UPP2: variants seen among roughly 807,000 people sequenced by gnomAD.
UPP2 encodes uridine phosphorylase 2.
A neutral mutation model predicts 26.7 loss-of-function variants in UPP2; 23 were observed. The ratio of observed to expected loss-of-function variants is 0.86; its 90% CI spans 0.62 to 1.22. The LOEUF (loss-of-function observed/expected upper bound fraction) is 1.22, where lower values mean the gene tolerates loss of function less well. Among genes scored for constraint, UPP2 ranks in the 50% most tolerant of loss-of-function variants. The probability of loss-of-function intolerance (pLI) is 0.00; values close to 1 mark genes in which losing one functional copy is unlikely to be tolerated. For synonymous variants in UPP2, 127 were observed against 141.3 expected (o/e 0.90, Z 0.72); for missense variants, 387 against 396.7 (o/e 0.98, Z 0.21).
chr2:158,103,385 G>A (rs1485061195), intron 1 of UPP2, among the ~76,000 whole-genome samples: 1 of 152,144 alleles, frequency 6.6e-6, no homozygotes, highest in African/African-American at 2.4e-5. Context: ...TTGAAGATAG[G>A]AAGTGTGTGT....
At chr2:158,076,069 A>G (rs1682626316) in intron 3 of UPP2, among the ~76,000 whole-genome samples, 1 of 151,956 alleles carries the variant, frequency 6.6e-6, no homozygotes, top group African/African-American at 2.4e-5. Flanking sequence ...AAATTGGAAA[A>G]TCTGGAAGAA....
At chr2:158,063,036 A>G (rs1682377611) in intron 3 of UPP2, among the ~76,000 whole-genome samples, 1 of 152,196 alleles carries the variant, frequency 6.6e-6, no homozygotes, top group South Asian at 2.1e-4. Flanking sequence ...ACACAGTTTC[A>G]CAATCATCCC....
intron 3 of UPP2, among the ~76,000 whole-genome samples, chr2:158,053,553 C>A (rs1682192588): frequency 1.3e-5 from 2 of 152,106 alleles, no homozygotes; most frequent in South Asian, 4.1e-4. Flanking sequence ...GATTCAGGAC[C>A]ATTCTATAAC....
chr2:158,115,110 G>A lies in UPP2; in HGVS notation c.190G>A (p.Val64Ile), dbSNP rs1329886469. 1.3e-6 allele frequency: 2 copies of A among 1,595,390 alleles called. No homozygotes were observed. The highest frequency in any genetic ancestry group is 1.4e-5 in the African/African-American group (1 of 73,200). ...TTATTTTTATTAACAGTTTGTCTGT[G>A]TCGGTGGGAGCCCCAACAGAATGAA... ...AMFGDVKFVCVGGSPNRMKAF... is the reference protein window; with the variant it reads ...AMFGDVKFVCIGGSPNRMKAF... Residue 64 changes from valine (V) to isoleucine (I), a missense_variant, in exon 3 of 7, where the codon GTC (valine) becomes ATC (isoleucine). Physicochemically the swap from Val to Ile is conservative, Grantham distance 29. Transcript: ENST00000005756.
chr2:158,113,106 C>G (rs1032989554), intron 2 of UPP2, among the ~76,000 whole-genome samples: 1 of 152,162 alleles, frequency 6.6e-6, no homozygotes, highest in Non-Finnish European at 1.5e-5. Context: ...GCTTTAAGAA[C>G]CAAGCTGCTT....
chr2:158,067,293 TG>T (rs1232827854), intron 3 of UPP2, among the ~76,000 whole-genome samples: 1 of 151,768 alleles, frequency 6.6e-6, no homozygotes, highest in East Asian at 1.9e-4. Flanking sequence ...AGAAATAATT[TG>T]TCAGTGTTCA....
intron 2 of UPP2, among the ~76,000 whole-genome samples, chr2:157,997,549 C>A (rs953812260): frequency 6.6e-6 from 1 of 152,166 alleles, no homozygotes; most frequent in African/African-American, 2.4e-5. Flanking sequence ...CCTTCACTTC[C>A]ATGCCTTAAT....
Position 158,106,131 on chromosome 2 carries a change from T to C in UPP2, c.95T>C (p.Leu32Ser). Residue 32 changes from leucine (L) to serine (S), a missense_variant, in exon 2 of 7, where the codon TTG (leucine) becomes TCG (serine). Physicochemically the swap from Leu to Ser is moderately radical, Grantham distance 145 (BLOSUM62 -2). Coordinates refer to ENST00000005756, the MANE Select transcript of UPP2 (RefSeq NM_173355.4). ...TTTGTTCACGTTAAAAATCCTTACT[T>C]GGATTTGATGGATGAAGACATTCTC... Reference protein sequence around the residue: ...KRFVHVKNPYLDLMDEDILYH... With the variant: ...KRFVHVKNPYSDLMDEDILYH... 1.2e-6 allele frequency: 2 copies of C among 1,603,772 alleles called. No homozygotes were observed. Among genetic ancestry groups the C allele is most frequent in the Non-Finnish European group, 1.7e-6 (2 of 1,176,634 alleles).
rs541955839 is a variant in UPP2, at chr2:158,087,559, G to T, written c.148-14481G>T. 3.2e-4 allele frequency among the ~76,000 whole-genome samples: 48 copies of T among 151,804 alleles called. No homozygotes were observed. In the South Asian group the frequency reaches 9.3e-3, roughly 30 times the overall value. ...GTTGCCTGAATACCTTTTTTTGTTT[G>T]TTTTTCATTGTGCTTTTGTTATATA... On this transcript the variant is annotated intron_variant, in intron 3 of 9. Coordinates refer to the UPP2 transcript ENST00000605860.
intron 3 of UPP2, among the ~76,000 whole-genome samples, chr2:158,064,620 T>G (rs1037865746): frequency 6.6e-6 from 1 of 152,230 alleles, no homozygotes; most frequent in African/African-American, 2.4e-5. Flanking sequence ...TTTTGGCTTT[T>G]GTTGCCATTG....
At chr2:158,026,240 C>T (rs879399253) in intron 3 of UPP2, among the ~76,000 whole-genome samples, 2 of 152,064 alleles carry the variant, frequency 1.3e-5, no homozygotes, top group East Asian at 1.9e-4. Flanking sequence ...AGAGCAGCAT[C>T]GGGGGCTGAA....
intron 2 of UPP2, among the ~76,000 whole-genome samples, chr2:158,113,224 A>G (rs1471123189): frequency 6.6e-6 from 1 of 152,176 alleles, no homozygotes; most frequent in East Asian, 1.9e-4. Context: ...CTATTCTAAC[A>G]TCTGTTTTGG....
intron 5 of UPP2, among the ~76,000 whole-genome samples, chr2:158,122,952 T>G (rs1208923430): frequency 6.6e-6 from 1 of 151,738 alleles, no homozygotes; most frequent in African/African-American, 2.4e-5. Flanking sequence ...GTGAAAGAGA[T>G]AGAGGAAAGG....
intron 3 of UPP2, among the ~76,000 whole-genome samples, chr2:158,090,769 C>T (rs778836380): frequency 1.3e-4 from 20 of 152,078 alleles, no homozygotes; most frequent in Non-Finnish European, 2.9e-4. Flanking sequence ...GAGATAACCC[C>T]CAAGTTTTAG....
intron 3 of UPP2, 88 bp downstream of exon 3, chr2:158,115,347 C>T (rs1683407435): frequency 6.9e-7 from 1 of 1,441,834 alleles, no homozygotes; most frequent in Non-Finnish European, 9.2e-7. Flanking sequence ...TTTTTCCCTC[C>T]AGCTTCGCAT....
At chr2:158,093,566 G>A (rs765389046) in intron 3 of UPP2, among the ~76,000 whole-genome samples, 7 of 151,876 alleles carry the variant, frequency 4.6e-5, no homozygotes, top group East Asian at 1.9e-4. Flanking sequence ...AAGAAAATAC[G>A]GGCAAAGAAT....
intron 3 of UPP2, among the ~76,000 whole-genome samples, chr2:158,053,906 T>A (rs1015828982): frequency 2.6e-5 from 4 of 152,214 alleles, no homozygotes; most frequent in Non-Finnish European, 4.4e-5. Flanking sequence ...GGGGTTTTCT[T>A]TACCAGGTTT....
chr2:158,066,892 C>T (rs1682444710), intron 3 of UPP2, among the ~76,000 whole-genome samples: 1 of 152,068 alleles, frequency 6.6e-6, no homozygotes, highest in African/African-American at 2.4e-5. Flanking sequence ...TTGTGCAGAG[C>T]ATGTGGGATA....
At position 158,013,624 on chromosome 2, in the gene UPP2, A is replaced by G. The variant is rs144155811; in HGVS notation, c.62-2177A>G. Among the ~76,000 whole-genome samples, 679 of 152,204 alleles carry G rather than the reference A, an allele frequency of 4.5e-3. 7 individuals carry two copies. Among genetic ancestry groups the G allele is most frequent in the African/African-American group, 0.016 (651 of 41,530 alleles). ...TAATTTGGCAACTCACTCGGAAGAG[A>G]TGTGTTTGATGAGGAAGAGGTGAGA... On this transcript the variant is annotated intron_variant, in intron 2 of 9. Coordinates refer to the UPP2 transcript ENST00000605860.
Sources: gnomAD v4.1 joint callset for allele counts (sites outside exome capture counted in the v4.1 genomes callset) on GRCh38, gnomAD v4.1.1 for gene constraint, MANE v1.5 for transcripts, NCBI Gene and HGNC (gene_info 2026-07-23, HGNC 2026-07-21) for gene names.